The following LRRC20 variants were observed in gnomAD, a reference collection of about 807,000 sequenced individuals.
LRRC20 encodes leucine-rich repeat-containing protein 20.
Under a neutral mutation model 14.4 loss-of-function variants are expected in LRRC20, and 11 were observed. The ratio of observed to expected loss-of-function variants is 0.77; its 90% confidence interval spans 0.48 to 1.27. LRRC20 has a LOEUF of 1.27. Among genes scored for constraint, LRRC20 ranks in the 50% most tolerant of loss-of-function variants. LRRC20 has a pLI of 0.00. For synonymous variants in LRRC20, 121 were observed against 107.3 expected (o/e 1.13, Z -0.79); for missense variants, 219 against 251.2 (o/e 0.87, Z 0.87).
rs534898910 is a variant in LRRC20 at position 70,341,672 on chromosome 10, G to A, written c.83-970C>T. ...AATCCCAGCTACTCACAAGGCTGAGGCACGAGAATCACTTGAGCCTGGGAG... is the reference window on the plus strand; with the variant it reads ...AATCCCAGCTACTCACAAGGCTGAGACACGAGAATCACTTGAGCCTGGGAG... On this transcript the variant is annotated intron_variant, in intron 2 of 4. Transcript: ENST00000446961. Among the ~76,000 whole-genome samples, 371 of 152,286 alleles carry A rather than the reference G, an allele frequency of 2.4e-3. 1 individual carries two copies. The highest frequency in any genetic ancestry group is 4.0e-3 in the Non-Finnish European group (271 of 68,032).
chr10:70,321,239 G>C (rs572120253), intron 4 of LRRC20, among the ~76,000 whole-genome samples: 9 of 152,292 alleles, frequency 5.9e-5, no homozygotes, highest in African/African-American at 1.9e-4. Flanking sequence ...TCCCAGTGAG[G>C]TGCTGCAGGA....
intron 2 of LRRC20, among the ~76,000 whole-genome samples, chr10:70,362,726 AAGG>A (rs1843786629): frequency 8.8e-6 from 1 of 113,644 alleles, no homozygotes; most frequent in Admixed American, 9.5e-5. Flanking sequence ...AGCGTGCCTC[AAGG>A]GGGGCAGTTT....
chr10:70,334,999 T>TC (rs1041848936), intron 3 of LRRC20, among the ~76,000 whole-genome samples: 1 of 151,832 alleles, frequency 6.6e-6, no homozygotes, highest in Non-Finnish European at 1.5e-5. Flanking sequence ...GCAGACAGGC[T>TC]CCCCCCAGGT....
intron 3 of LRRC20, among the ~76,000 whole-genome samples, chr10:70,340,070 G>A (rs1020641894): frequency 2.0e-5 from 3 of 150,212 alleles, no homozygotes; most frequent in East Asian, 2.0e-4. Flanking sequence ...GCAGTGAGCC[G>A]AGATCACACC....
intron 3 of LRRC20, among the ~76,000 whole-genome samples, chr10:70,334,704 T>C (rs1020345583): frequency 6.6e-6 from 1 of 152,110 alleles, no homozygotes; most frequent in Non-Finnish European, 1.5e-5. Flanking sequence ...CTCCATGCCC[T>C]CTGCCCACAC....
chr10:70,381,048 G>A (rs77424029), intron 1 of LRRC20, among the ~76,000 whole-genome samples: 5,538 of 152,338 alleles, frequency 0.036, 155 homozygotes, highest in Non-Finnish European at 0.051. Flanking sequence ...TACTGAGGAA[G>A]GGAACTGCAG....
At chr10:70,321,633 G>C (rs1419455122) in intron 4 of LRRC20, among the ~76,000 whole-genome samples, 1 of 152,184 alleles carries the variant, frequency 6.6e-6, no homozygotes, top group African/African-American at 2.4e-5. Context: ...GGTAAACCAG[G>C]AGCCCCTCCT....
intron 4 of LRRC20, among the ~76,000 whole-genome samples, chr10:70,317,789 G>A (rs1265489774): frequency 2.0e-5 from 3 of 152,224 alleles, no homozygotes; most frequent in Admixed American, 2.0e-4. Flanking sequence ...CCCAGAGGAA[G>A]TTCTGAGGGC....
intron 3 of LRRC20, among the ~76,000 whole-genome samples, chr10:70,333,673 G>A (rs1464129193): frequency 6.6e-6 from 1 of 152,176 alleles, no homozygotes; most frequent in Admixed American, 6.5e-5. Flanking sequence ...TCCAGGGGTG[G>A]GGCACCCTTG....
intron 4 of LRRC20, among the ~76,000 whole-genome samples, chr10:70,314,819 C>T (rs943672451): frequency 2.6e-5 from 4 of 151,978 alleles, no homozygotes; most frequent in Admixed American, 2.6e-4. Flanking sequence ...CCTACCTGGC[C>T]TAGGGAAACC....
intron 4 of LRRC20, among the ~76,000 whole-genome samples, chr10:70,306,243 A>C (rs2136869899): frequency 6.6e-6 from 1 of 151,956 alleles, no homozygotes; most frequent in East Asian, 1.9e-4. Flanking sequence ...ACATAACCAC[A>C]GTGCAGTTAA....
intron 2 of LRRC20, among the ~76,000 whole-genome samples, chr10:70,361,628 A>G (rs1843722383): frequency 6.6e-6 from 1 of 152,240 alleles, no homozygotes; most frequent in African/African-American, 2.4e-5. Flanking sequence ...AGATTTGGGG[A>G]AAGGACGATC....
At chr10:70,364,568 A>G (rs1306480270) in intron 2 of LRRC20, among the ~76,000 whole-genome samples, 1 of 152,198 alleles carries the variant, frequency 6.6e-6, no homozygotes, top group Non-Finnish European at 1.5e-5. Flanking sequence ...AGGAACATAA[A>G]CACAAGAAGG....
chr10:70,324,930 TAAC>T (rs1349582717), intron 3 of LRRC20, among the ~76,000 whole-genome samples: 1 of 152,020 alleles, frequency 6.6e-6, no homozygotes, highest in Non-Finnish European at 1.5e-5. Flanking sequence ...AGCAAGGAGC[TAAC>T]ATCATAATGC....
intron 1 of LRRC20, among the ~76,000 whole-genome samples, chr10:70,380,867 C>G (rs938151948): frequency 2.1e-4 from 32 of 152,244 alleles, no homozygotes; most frequent in Non-Finnish European, 1.5e-4. Flanking sequence ...TGGGCTAGAA[C>G]AAGCTTCCCA....
intron 2 of LRRC20, among the ~76,000 whole-genome samples, chr10:70,359,886 C>T (rs187431716): frequency 2.3e-4 from 35 of 152,204 alleles, no homozygotes; most frequent in African/African-American, 4.8e-4. Flanking sequence ...TGCCCTTGAA[C>T]CCCCGTTGTT....
chr10:70,381,769 A>G (rs779088033), intron 1 of LRRC20: 1 of 152,202 alleles, frequency 6.6e-6, no homozygotes, highest in Non-Finnish European at 1.5e-5. Flanking sequence ...GATCAGAACG[A>G]AGTTGACCCA....
At chr10:70,339,174 A>G (rs961416835) in intron 3 of LRRC20, among the ~76,000 whole-genome samples, 9 of 152,184 alleles carry the variant, frequency 5.9e-5, no homozygotes, top group African/African-American at 2.2e-4. Flanking sequence ...AAAGAAGTAG[A>G]CTATTGTGAA....
intron 4 of LRRC20, among the ~76,000 whole-genome samples, chr10:70,309,464 A>G (rs913040531): frequency 6.6e-6 from 1 of 152,242 alleles, no homozygotes; most frequent in Non-Finnish European, 1.5e-5. Context: ...GCAGAGGGGC[A>G]AGGCCAAGGC....
Sources: allele counts gnomAD v4.1 joint callset (sites outside exome capture counted in the v4.1 genomes callset), GRCh38; gene constraint gnomAD v4.1.1; transcripts MANE v1.5; gene names NCBI Gene and HGNC (gene_info 2026-07-23, HGNC 2026-07-21).